Variants in N4BP2 observed in about 807,000 individuals in gnomAD.
N4BP2 encodes NEDD4 binding protein 2, also known as NEDD4-binding protein 2.
A neutral mutation model predicts 152.8 loss-of-function variants in N4BP2; 91 were observed. The observed-to-expected ratio is 0.60, with a 90% confidence interval of 0.50 to 0.71. The LOEUF (loss-of-function observed/expected upper bound fraction) is 0.71. Ranked by LOEUF, N4BP2 falls within the 30% of genes least tolerant of loss-of-function variation. N4BP2 has a pLI of 0.00. For synonymous variants in N4BP2, 646 were observed against 705.3 expected (o/e 0.92, Z 1.33); for missense variants, 1,923 against 2,059.1 (o/e 0.93, Z 1.28).
chr4:40,103,307 TAG>T (rs1336812374), intron 4 of N4BP2, 89 bp downstream of exon 4: 3 of 1,105,244 alleles, frequency 2.7e-6, no homozygotes, highest in African/African-American at 1.6e-5. Flanking sequence ...CTTTGCTTAG[TAG>T]AGATCTTTAG....
rs1721591224 is a variant in N4BP2, at chr4:40,156,297, G to A, written c.*2060G>A. 4 of 152,070 alleles carry A rather than the reference G, an allele frequency of 2.6e-5. No homozygotes were observed. The South Asian group carries it at 8.3e-4, about 31-fold the overall frequency. The allele number at this position is 152,070 out of a possible 1,614,324, so 9.4% of individuals were successfully genotyped here. On this transcript the variant is annotated 3_prime_UTR_variant, in exon 18 of 18. Transcript: ENST00000261435. ...CAATATTATAATTATGATTAATGAA[G>A]GAGCAGTCAGAAGTAGAGGTGTGGT...
intron 1 of N4BP2, among the ~76,000 whole-genome samples, chr4:40,062,243 T>A (rs997136451): frequency 6.6e-6 from 1 of 152,062 alleles, no homozygotes; most frequent in Non-Finnish European, 1.5e-5. Context: ...CACGCCCGGC[T>A]AATTTTTTGT....
At chr4:40,115,080 GCTTCTCATTATTCTAC>G (rs1227165712) in intron 7 of N4BP2, among the ~76,000 whole-genome samples, 5 of 151,970 alleles carry the variant, frequency 3.3e-5, no homozygotes, top group Non-Finnish European at 7.4e-5. Flanking sequence ...ATTAATTTCT[GCTTCTCATTATTCTAC>G]CTTTATTGCT....
chr4:40,151,408 A>T (rs2109285662), intron 16 of N4BP2, among the ~76,000 whole-genome samples: 2 of 152,214 alleles, frequency 1.3e-5, no homozygotes, highest in East Asian at 3.9e-4. Context: ...AGTAGCTGGG[A>T]CTACAGGTGC....
Position 40,106,331 on chromosome 4 carries a change from T to C in N4BP2, c.1374-569T>C, listed in dbSNP as rs182737900. 1.6e-3 allele frequency among the ~76,000 whole-genome samples: 242 copies of C among 152,238 alleles called. 1 individual carries two copies. The highest frequency in any genetic ancestry group is 2.6e-3 in the Non-Finnish European group (180 of 68,024). On this transcript the variant is annotated intron_variant, in intron 4 of 17. Transcript: ENST00000261435. ...TTATTTATCTCTTTGTGTTTAATTT[T>C]TTTTCTTTTTTGAGAGAGGGTCTTA...
chr4:40,083,822 T>C (rs1713646639), intron 2 of N4BP2, among the ~76,000 whole-genome samples: 1 of 152,236 alleles, frequency 6.6e-6, no homozygotes, highest in African/African-American at 2.4e-5. Flanking sequence ...GTGAATTTTA[T>C]GGTTTACATA....
At chr4:40,081,682 T>A (rs1713382351) in intron 2 of N4BP2, among the ~76,000 whole-genome samples, 1 of 151,628 alleles carries the variant, frequency 6.6e-6, no homozygotes, top group Non-Finnish European at 1.5e-5. Flanking sequence ...CAGTTAAATA[T>A]TATCCAAATC....
At chr4:40,160,686 T>C (rs1354303766), downstream of N4BP2, among the ~76,000 whole-genome samples, 1 of 152,220 alleles carries the variant, frequency 6.6e-6, no homozygotes, top group Non-Finnish European at 1.5e-5. Context: ...AAACTCAGAC[T>C]GACTCCCTAA....
At chr4:40,184,226 A>G in the N4BP2 span, among the ~76,000 whole-genome samples, 1 of 152,234 alleles carries the variant, frequency 6.6e-6, no homozygotes, top group Non-Finnish European at 1.5e-5. Flanking sequence ...GAAAACCACA[A>G]AAATGGTTTT....
chr4:40,068,263 G>A (rs1399120145), intron 1 of N4BP2, among the ~76,000 whole-genome samples: 3 of 152,082 alleles, frequency 2.0e-5, no homozygotes, highest in South Asian at 2.1e-4. Context: ...CTCTCATTCC[G>A]TAGGTTGCCT....
chr4:40,069,054 A>T (rs1048693285), intron 1 of N4BP2, among the ~76,000 whole-genome samples: 5 of 152,024 alleles, frequency 3.3e-5, no homozygotes, highest in African/African-American at 1.2e-4. Context: ...TGGGAGGCAG[A>T]TGTTGCAGTG....
the N4BP2 span, among the ~76,000 whole-genome samples, chr4:40,166,182 A>G: frequency 6.6e-6 from 1 of 152,186 alleles, no homozygotes; most frequent in Non-Finnish European, 1.5e-5. Context: ...GTTAGTAGGC[A>G]GGAGGAAGGA....
At chr4:40,139,343 C>T (rs973906208) in intron 14 of N4BP2, among the ~76,000 whole-genome samples, 9 of 152,084 alleles carry the variant, frequency 5.9e-5, no homozygotes, top group South Asian at 2.1e-4. Context: ...GCAGTCCTCC[C>T]GCCTCAGCCT....
chr4:40,066,528 C>T (rs541550434), intron 1 of N4BP2, among the ~76,000 whole-genome samples: 1 of 151,336 alleles, frequency 6.6e-6, no homozygotes, highest in South Asian at 2.1e-4. Context: ...CTATGTTGGC[C>T]AGGCTGGTCT....
chr4:40,115,157 A>C (rs1220920594), intron 7 of N4BP2, among the ~76,000 whole-genome samples: 1 of 152,048 alleles, frequency 6.6e-6, no homozygotes, highest in Non-Finnish European at 1.5e-5. Context: ...AAACTTCTCT[A>C]CTTGAAGGTT....
At chr4:40,174,965 A>G in the N4BP2 span, among the ~76,000 whole-genome samples, 1 of 151,750 alleles carries the variant, frequency 6.6e-6, no homozygotes, top group Admixed American at 6.6e-5. Flanking sequence ...TGTTAAGTAA[A>G]ATAAGCCAGT....
At position 40,113,298 on chromosome 4, in the gene N4BP2, G is replaced by T. The variant is rs1457072871; in HGVS notation, c.1588-134G>T. On this transcript the variant is annotated intron_variant, in intron 6 of 17. Transcript: ENST00000261435. ...AGTTAATTGCTGGGTTAAAGTGATT[G>T]TATATTTTGCCATTTTAACACACTC... 6 of 607,810 alleles carry T rather than the reference G, an allele frequency of 9.9e-6. No homozygotes were observed. The East Asian group carries it at 1.7e-4, about 18-fold the overall frequency. 37.7% of individuals were successfully genotyped at this position (607,810 alleles called of 1,614,324 possible).
chr4:40,142,541 A>C (rs1720117908), intron 14 of N4BP2, 132 bp from the exon 15 acceptor site: 5 of 622,782 alleles, frequency 8.0e-6, no homozygotes. Context: ...GACGCTGGGG[A>C]GAATCTATTT....
At chr4:40,103,452 A>C (rs888992742) in intron 4 of N4BP2, among the ~76,000 whole-genome samples, 1 of 152,180 alleles carries the variant, frequency 6.6e-6, no homozygotes, top group Non-Finnish European at 1.5e-5. Flanking sequence ...AAAATTAAAG[A>C]CAATTTCAAA....
Sources: gnomAD v4.1 joint callset for allele counts (sites outside exome capture counted in the v4.1 genomes callset) on GRCh38, gnomAD v4.1.1 for gene constraint, MANE v1.5 for transcripts, NCBI Gene and HGNC (gene_info 2026-07-23, HGNC 2026-07-21) for gene names.